Variants in RIF1 observed in about 807,000 individuals in gnomAD.
RIF1 encodes replication timing regulatory factor 1.
RIF1 carries 45 observed loss-of-function variants against 247.1 expected under a neutral mutation model. The ratio of observed to expected loss-of-function variants is 0.18; its 90% confidence interval spans 0.14 to 0.23. The LOEUF (loss-of-function observed/expected upper bound fraction) is 0.23. RIF1 is among the 10% of genes least tolerant of loss of function. The pLI is 1.00. For synonymous variants in RIF1, 1,087 were observed against 978.8 expected (o/e 1.11, Z -2.06); for missense variants, 2,967 against 2,862.5 (o/e 1.04, Z -0.83).
At chr2:151,499,194 T>C (rs980079688) in intron 10 of RIF1, 1 of 587,106 alleles carries the variant, frequency 1.7e-6, no homozygotes, top group Non-Finnish European at 2.9e-6. Context: ...AAAAGACAGG[T>C]CAAATTTTTT....
chr2:151,423,311 TTTTG>T, intron 8 of RIF1: 2 of 330,200 alleles, frequency 6.1e-6, no homozygotes, highest in Non-Finnish European at 5.4e-6. Context: ...CGCTCTGCCT[TTTTG>T]TTTTAGTTCT....
At position 151,411,207 on chromosome 2, in the gene RIF1, A is replaced by T. The variant is rs540929498; in HGVS notation, c.105-53A>T. 28 of 909,616 alleles carry T rather than the reference A, an allele frequency of 3.1e-5. No individual in the cohort carries two copies. The East Asian group carries it at 4.7e-4, about 15-fold the overall frequency. 56.3% of individuals were successfully genotyped at this position (909,616 alleles called of 1,614,324 possible). A position where few individuals can be genotyped will look rare whatever the true frequency, so the allele number is the denominator to read the frequency against. ...AGATTGTACATGTATTTTTGAGAGT[A>T]TTTTTTTTTTTCCTGTCAACTACTT... On this transcript the variant is annotated intron_variant, in intron 2 of 35. Coordinates refer to ENST00000444746, the MANE Select transcript of RIF1 (RefSeq NM_018151.5).
At chr2:151,512,560 T>C (rs1301100117), downstream of RIF1, among the ~76,000 whole-genome samples, 2 of 151,176 alleles carry the variant, frequency 1.3e-5, no homozygotes, top group Non-Finnish European at 3.0e-5. Flanking sequence ...ATGATCCACT[T>C]TCCTTGGCCT....
Position 151,463,622 on chromosome 2 carries a change from T to C in RIF1, c.4102T>C (p.Leu1368=), listed in dbSNP as rs1696509824. The C allele has an allele frequency of 6.2e-7, 1 of 1,613,408 alleles. No individual in the cohort carries two copies. The highest frequency in any genetic ancestry group is 8.5e-7 in the Non-Finnish European group (1 of 1,179,602). Residue 1368 remains leucine (L), a synonymous_variant, in exon 30 of 36, where the codon TTG becomes CTG. Transcript: ENST00000444746. ...KAATVENAVL[L]ETNTVEEKNV... is the part of the protein sequence containing the mutation. Reference sequence around the variant, plus strand: ...AGCAACAGTGGAAAATGCTGTATTATTGGAAACTAATACTGTAGAGGAGAA... The same window carrying C: ...AGCAACAGTGGAAAATGCTGTATTACTGGAAACTAATACTGTAGAGGAGAA...
rs201841036 is a variant in RIF1 at position 151,463,902 on chromosome 2, A to T, written c.4382A>T (p.Asp1461Val). 5 of 1,613,648 alleles carry T rather than the reference A, an allele frequency of 3.1e-6. No individual in the cohort carries two copies. In the Admixed American group the frequency reaches 6.7e-5, roughly 22 times the overall value. ...LQKSPLHIKD[D>V]VLPKQKLIAE... Reference sequence around the variant, plus strand: ...AAGAGTCCATTGCATATAAAAGATGATGTGTTACCTAAACAAAAACTGATT... The same window carrying T: ...AAGAGTCCATTGCATATAAAAGATGTTGTGTTACCTAAACAAAAACTGATT... Residue 1461 changes from aspartate to valine, a missense_variant, in exon 30 of 36, where the codon GAT (aspartate) becomes GTT (valine). Coordinates refer to ENST00000444746, the MANE Select transcript of RIF1 (RefSeq NM_018151.5).
chr2:151,462,118 C>T (rs1359649953), intron 27 of RIF1, 124 bp from the exon 28 acceptor site: 2 of 512,684 alleles, frequency 3.9e-6, no homozygotes, highest in Non-Finnish European at 6.6e-6. Context: ...AGCAGCCCAC[C>T]CACCTCAACC....
chr2:151,526,497 C>G, the RIF1 span, among the ~76,000 whole-genome samples: 1 of 152,132 alleles, frequency 6.6e-6, no homozygotes, highest in African/African-American at 2.4e-5. Context: ...GTCACACTTA[C>G]GTTCACAGCA....
At chr2:151,454,659 A>G (rs1694904456) in intron 21 of RIF1, among the ~76,000 whole-genome samples, 1 of 152,180 alleles carries the variant, frequency 6.6e-6, no homozygotes, top group South Asian at 2.1e-4. Flanking sequence ...TGGAATTCAT[A>G]TTCATGATCC....
chr2:151,525,062 C>G, the RIF1 span: 70 of 894,980 alleles, frequency 7.8e-5, no homozygotes, highest in Non-Finnish European at 1.2e-4. Context: ...GAAACTACCA[C>G]AGAGGAATTA....
At position 151,481,522 on chromosome 2, in the gene RIF1, C is replaced by G. The variant is rs2049166303; in HGVS notation, c.*6451C>G. The G allele has an allele frequency of 6.6e-6, 1 of 152,234 alleles. No homozygotes were observed. 9.4% of individuals were successfully genotyped at this position (152,234 alleles called of 1,614,324 possible). ...ACAAAAAGACTGATAGATGCCAAAT[C>G]AGTCATTTATTAACCCTCTAATATT... On this transcript the variant is annotated 3_prime_UTR_variant, in exon 36 of 36. Coordinates refer to ENST00000444746, the MANE Select transcript of RIF1 (RefSeq NM_018151.5).
downstream of RIF1, chr2:151,508,167 G>A: frequency 1.3e-5 from 16 of 1,220,108 alleles, no homozygotes; most frequent in Non-Finnish European, 1.6e-5. Context: ...TAGGCCAATG[G>A]GACCTAAAAT....
the RIF1 span, chr2:151,518,204 C>A: frequency 1.3e-6 from 1 of 784,730 alleles, no homozygotes; most frequent in Non-Finnish European, 2.3e-6. Context: ...GATTCAAAAC[C>A]CCTTATATCT....
At position 151,415,563 on chromosome 2, in the gene RIF1, CAAA is replaced by C. The variant is rs3040729; in HGVS notation, c.280+664_280+666del. 3.6e-4 allele frequency among the ~76,000 whole-genome samples: 16 copies of C among 44,876 alleles called. 1 individual carries two copies. The highest frequency in any genetic ancestry group is 1.8e-3 in the East Asian group (3 of 1,664). 29.4% of individuals were successfully genotyped at this position (44,876 alleles called of 152,430 possible). ...TGCACTCCAGACTGGGACTCTGTCT[CAAA>C]AAAAAAAAAAAAAAAAAAAGGATAT... On this transcript the variant is annotated intron_variant, in intron 4 of 35. Coordinates refer to ENST00000444746, the MANE Select transcript of RIF1 (RefSeq NM_018151.5).
downstream of RIF1, among the ~76,000 whole-genome samples, chr2:151,509,176 A>G (rs952420793): frequency 7.9e-5 from 12 of 152,330 alleles, no homozygotes; most frequent in African/African-American, 2.4e-4. Context: ...AAGCAGTTTC[A>G]GCCAATGAGA....
chr2:151,440,133 T>A lies in RIF1; in HGVS notation c.1647+6T>A. The A allele has an allele frequency of 7.1e-7, 1 of 1,404,640 alleles. No homozygotes were observed. Among genetic ancestry groups the A allele is most frequent in the Non-Finnish European group, 1.0e-6 (1 of 1,003,544 alleles). The allele number at this position is 1,404,640 out of a possible 1,614,324, so 87.0% of individuals were successfully genotyped here. ...TTCCTGTATCAAAAACGCTGGTAAGTATAATACCCGTATGTTGGACTTTAA... is the reference window on the plus strand; with the variant it reads ...TTCCTGTATCAAAAACGCTGGTAAGAATAATACCCGTATGTTGGACTTTAA... On this transcript the variant is annotated splice_donor_region_variant and intron_variant, in intron 15 of 35. Transcript: ENST00000444746.
intron 29 of RIF1, among the ~76,000 whole-genome samples, chr2:151,462,680 G>A (rs1398271264): frequency 6.6e-6 from 1 of 151,746 alleles, no homozygotes; most frequent in South Asian, 2.1e-4. Context: ...TAAAATAAAT[G>A]TACTTGGCTT....
chr2:151,414,836 G>T lies in RIF1; in HGVS notation c.197G>T (p.Ser66Ile). The T allele has an allele frequency of 1.2e-6, 2 of 1,608,692 alleles. No individual in the cohort carries two copies. Among genetic ancestry groups the T allele is most frequent in the South Asian group, 1.1e-5 (1 of 89,348 alleles). Reference sequence around the variant, plus strand: ...TTGTTTTTGTAGACTCACATTTCCAGTCAAAACTCGGAGCTGAGTAGTGCT... The same window carrying T: ...TTGTTTTTGTAGACTCACATTTCCATTCAAAACTCGGAGCTGAGTAGTGCT... ...LYKVLKTHIS[S>I]QNSELSSAAL... is the part of the protein sequence containing the mutation. The change falls in exon 4 of 36, where the codon AGT becomes ATT. Residue 66 changes from serine to isoleucine, a missense_variant. Transcript: ENST00000444746.
At chr2:151,493,736 G>GT in intron 9 of RIF1, 1 of 1,423,830 alleles carries the variant, frequency 7.0e-7, no homozygotes, top group Non-Finnish European at 9.7e-7. Flanking sequence ...TGCCAGGGCT[G>GT]TTAAGATTTT....
At chr2:151,469,223 G>A (rs771930193) in intron 33 of RIF1, among the ~76,000 whole-genome samples, 3 of 152,158 alleles carry the variant, frequency 2.0e-5, no homozygotes, top group Non-Finnish European at 2.9e-5. Context: ...ATGCGTGCAT[G>A]TAGATCGTTC....
Sources: allele counts gnomAD v4.1 joint callset (sites outside exome capture counted in the v4.1 genomes callset), GRCh38; gene constraint gnomAD v4.1.1; transcripts MANE v1.5; gene names NCBI Gene and HGNC (gene_info 2026-07-23, HGNC 2026-07-21).